The following SLC14A2 variants were observed in gnomAD, a reference collection of about 807,000 sequenced individuals.
The protein encoded by SLC14A2 is solute carrier family 14 member 2.
Under a neutral mutation model 104.6 loss-of-function variants are expected in SLC14A2, and 91 were observed. That is an observed-to-expected ratio of 0.87 (90% CI 0.73 to 1.04). SLC14A2 has a LOEUF of 1.04. SLC14A2 is among the 50% of genes least tolerant of loss of function. The pLI, the probability that SLC14A2 is intolerant of heterozygous loss-of-function variation, is 0.00. For synonymous variants in SLC14A2, 476 were observed against 466.4 expected, an observed-to-expected ratio of 1.02 and a Z score of -0.27; for missense variants, 1,189 against 1,156.0, an observed-to-expected ratio of 1.03 and a Z score of -0.41.
intron 1 of SLC14A2, among the ~76,000 whole-genome samples, chr18:45,475,185 G>T (rs2087335139): frequency 6.6e-6 from 1 of 152,170 alleles, no homozygotes; most frequent in African/African-American, 2.4e-5. Context: ...TAGTTGTGCA[G>T]TTCTGAGTGA....
At chr18:45,620,858 C>CT (rs1468642873) in intron 1 of SLC14A2, among the ~76,000 whole-genome samples, 1 of 152,136 alleles carries the variant, frequency 6.6e-6, no homozygotes, top group Non-Finnish European at 1.5e-5. Context: ...GAAGCATTTT[C>CT]TTCTTTCTTT....
chr18:45,391,611 C>T (rs575544021), intron 1 of SLC14A2, among the ~76,000 whole-genome samples: 81 of 152,246 alleles, frequency 5.3e-4, no homozygotes, highest in African/African-American at 1.7e-3. Flanking sequence ...TTTTAATGAT[C>T]ACCATTCTAA....
intron 2 of SLC14A2, among the ~76,000 whole-genome samples, chr18:45,610,440 G>T (rs1459131400): frequency 6.6e-6 from 1 of 152,140 alleles, no homozygotes; most frequent in Admixed American, 6.5e-5. Context: ...GAATCTCTGG[G>T]GAAGGGACCC....
intron 1 of SLC14A2, among the ~76,000 whole-genome samples, chr18:45,379,958 C>T (rs1011767478): frequency 1.3e-5 from 2 of 152,204 alleles, no homozygotes; most frequent in African/African-American, 4.8e-5. Flanking sequence ...GTAATGCCCA[C>T]CCCACCTTCC....
intron 3 of SLC14A2, 142 bp downstream of exon 3, chr18:45,626,005 G>T (rs1853935845): frequency 1.9e-6 from 1 of 523,568 alleles, no homozygotes; most frequent in African/African-American, 2.0e-5. Context: ...CTCACCCAGG[G>T]CTGGAGTCCA....
intron 10 of SLC14A2, among the ~76,000 whole-genome samples, chr18:45,654,711 A>T (rs1012469723): frequency 2.6e-5 from 4 of 152,164 alleles, no homozygotes; most frequent in Non-Finnish European, 5.9e-5. Context: ...CAGGTGGTAA[A>T]TGAGGCTGGA....
intron 1 of SLC14A2, among the ~76,000 whole-genome samples, chr18:45,236,146 C>T (rs999537180): frequency 5.4e-3 from 169 of 31,372 alleles, no homozygotes; most frequent in Non-Finnish European, 6.3e-3. Context: ...TGTATATATA[C>T]ATATATGTGT....
chr18:45,481,961 G>T (rs1320200530), intron 1 of SLC14A2, among the ~76,000 whole-genome samples: 1 of 152,048 alleles, frequency 6.6e-6, no homozygotes, highest in East Asian at 1.9e-4. Context: ...GGCTTTTCTT[G>T]TTTGGGGCTT....
chr18:45,543,343 T>C (rs183094354), intron 2 of SLC14A2, among the ~76,000 whole-genome samples: 423 of 152,156 alleles, frequency 2.8e-3, no homozygotes, highest in Non-Finnish European at 4.8e-3. Context: ...AATACACACA[T>C]ATATATAAAA....
At chr18:45,498,739 A>C (rs1480229698) in intron 2 of SLC14A2, among the ~76,000 whole-genome samples, 1 of 152,158 alleles carries the variant, frequency 6.6e-6, no homozygotes, top group African/African-American at 2.4e-5. Flanking sequence ...AGGGAAAGAA[A>C]AAAAGAGAGA....
chr18:45,480,355 C>G (rs1223043311), intron 1 of SLC14A2, among the ~76,000 whole-genome samples: 1 of 152,132 alleles, frequency 6.6e-6, no homozygotes, highest in Admixed American at 6.6e-5. Context: ...TCAAATTGCT[C>G]ATGCCCTGTA....
chr18:45,349,911 C>A (rs182048330), intron 1 of SLC14A2, among the ~76,000 whole-genome samples: 1 of 152,204 alleles, frequency 6.6e-6, no homozygotes, highest in African/African-American at 2.4e-5. Context: ...GCATCAATGG[C>A]AGGAAACATT....
intron 1 of SLC14A2, among the ~76,000 whole-genome samples, chr18:45,277,133 A>G (rs967373303): frequency 6.6e-6 from 1 of 152,202 alleles, no homozygotes; most frequent in African/African-American, 2.4e-5. Flanking sequence ...TAGCACTTGA[A>G]TTTCCTTGGC....
rs569975007 is a variant in SLC14A2, at chr18:45,262,336, C to T, written c.-125+49145C>T. Among the ~76,000 whole-genome samples, 4 of 152,158 alleles carry T rather than the reference C, an allele frequency of 2.6e-5. No individual in the cohort carries two copies. The South Asian group carries it at 8.3e-4, about 32-fold the overall frequency. ...ATAGGATGGGAACCAGCAACATAAA[C>T]CTAGAGCCTGGGCCCTCCACCACTG... On this transcript the variant is annotated intron_variant, in intron 1 of 20. Transcript: ENST00000586448.
Position 45,412,776 on chromosome 18 carries a change from C to T in SLC14A2, c.-124-70457C>T, listed in dbSNP as rs569718586. Among the ~76,000 whole-genome samples, 3 of 152,248 alleles carry T rather than the reference C, an allele frequency of 2.0e-5. No homozygotes were observed. In the East Asian group the frequency reaches 5.8e-4, roughly 29 times the overall value. Reference sequence around the variant, plus strand: ...GGACTTGCCCTTTCCTGTTTCTCACCTCTTTGTTGTGGGGTTCTCACAACC... The same window carrying T: ...GGACTTGCCCTTTCCTGTTTCTCACTTCTTTGTTGTGGGGTTCTCACAACC... On this transcript the variant is annotated intron_variant, in intron 1 of 20. Coordinates refer to the SLC14A2 transcript ENST00000586448.
At chr18:45,229,533 C>G (rs954287197) in intron 1 of SLC14A2, among the ~76,000 whole-genome samples, 1 of 152,146 alleles carries the variant, frequency 6.6e-6, no homozygotes, top group Non-Finnish European at 1.5e-5. Context: ...CACTCAGAAA[C>G]CTACTATAGC....
At chr18:45,342,584 T>C (rs2085406983) in intron 1 of SLC14A2, among the ~76,000 whole-genome samples, 1 of 152,140 alleles carries the variant, frequency 6.6e-6, no homozygotes. Flanking sequence ...AGAATATAAC[T>C]CAGAGCAACC....
At chr18:45,448,140 G>T (rs2086800227) in intron 1 of SLC14A2, among the ~76,000 whole-genome samples, 1 of 152,162 alleles carries the variant, frequency 6.6e-6, no homozygotes, top group Non-Finnish European at 1.5e-5. Flanking sequence ...TAGGCAAAAA[G>T]GGTGCCTTGG....
intron 1 of SLC14A2, among the ~76,000 whole-genome samples, chr18:45,335,003 A>C (rs184389277): frequency 1.3e-5 from 2 of 152,330 alleles, no homozygotes; most frequent in African/African-American, 4.8e-5. Context: ...TTTTATTTAC[A>C]TATGTATATA....
Sources: allele counts gnomAD v4.1 joint callset (sites outside exome capture counted in the v4.1 genomes callset), GRCh38; gene constraint gnomAD v4.1.1; transcripts MANE v1.5; gene names NCBI Gene and HGNC (gene_info 2026-07-23, HGNC 2026-07-21).